The following FGG variants were observed in gnomAD, a reference collection of about 807,000 sequenced individuals.
FGG encodes fibrinogen, gamma polypeptide.
In FGG, 20 loss-of-function variants were observed where a neutral mutation model predicts 51.7. That is an observed-to-expected ratio of 0.39 (90% CI 0.27 to 0.56). The LOEUF is 0.56. FGG is among the 20% of genes least tolerant of loss of function. The probability of loss-of-function intolerance (pLI) is 0.64; values close to 1 mark genes in which losing one functional copy is unlikely to be tolerated. For synonymous variants in FGG, 184 were observed against 184.7 expected, an observed-to-expected ratio of 1.00 and a Z score of 0.03; for missense variants, 460 against 534.2, an observed-to-expected ratio of 0.86 and a Z score of 1.37.
At chr4:154,612,239 C>T (rs368709516) in intron 2 of FGG, 38 bp from the exon 3 acceptor site, 176 of 1,600,386 alleles carry the variant, frequency 1.1e-4, no homozygotes, top group Non-Finnish European at 1.5e-4. Flanking sequence ...TAGACAGATG[C>T]TACTCTTAAA....
At chr4:154,607,291 T>C (rs1731118702) in intron 7 of FGG, among the ~76,000 whole-genome samples, 1 of 152,176 alleles carries the variant, frequency 6.6e-6, no homozygotes, top group Non-Finnish European at 1.5e-5. Context: ...TAGATGACTC[T>C]AATTTCATAT....
At chr4:154,608,395 T>C (rs1435021366) in intron 7 of FGG, 71 bp downstream of exon 7, 3 of 1,442,318 alleles carry the variant, frequency 2.1e-6, no homozygotes, top group Admixed American at 1.9e-5. Flanking sequence ...CCATTGTCTA[T>C]TGATAGTTGG....
Position 154,608,583 on chromosome 4 carries a change from G to C in FGG, c.734C>G (p.Ser245Cys). 6.2e-7 allele frequency: 1 copy of C among 1,613,772 alleles called. No homozygotes were observed. The highest frequency in any genetic ancestry group is 8.5e-7 in the Non-Finnish European group (1 of 1,179,810). Reference sequence around the variant, plus strand: ...CCAAAATTCTGTTGTGCCAGTAGGAGACAGATGTCCAAATCCTTCTTTATA... The same window carrying C: ...CCAAAATTCTGTTGTGCCAGTAGGACACAGATGTCCAAATCCTTCTTTATA... ...IQYKEGFGHLSPTGTTEFWLG... is the reference protein window; with the variant it reads ...IQYKEGFGHLCPTGTTEFWLG... The change falls in exon 7 of 9, where the codon TCT (serine) becomes TGT (cysteine). Residue 245 changes from serine (S) to cysteine (C), a missense_variant. Coordinates refer to ENST00000336098, the MANE Select transcript of FGG (RefSeq NM_021870.3).
chr4:154,607,085 T>C, intron 7 of FGG, 103 bp from the exon 8 acceptor site: 1 of 1,427,372 alleles, frequency 7.0e-7, no homozygotes, highest in Non-Finnish European at 9.4e-7. Flanking sequence ...ACTTTGTTTC[T>C]TAAGGCTGAA....
chr4:154,611,728 T>C lies in FGG; in HGVS notation c.401+77A>G, dbSNP rs1028711216. 5.3e-6 allele frequency: 5 copies of C among 947,320 alleles called. No individual in the cohort carries two copies. In the African/African-American group the frequency reaches 6.6e-5, roughly 13 times the overall value. The allele number at this position is 947,320 out of a possible 1,614,324, so 58.7% of individuals were successfully genotyped here. A position where few individuals can be genotyped will look rare whatever the true frequency, so the allele number is the denominator to read the frequency against. On this transcript the variant is annotated intron_variant, in intron 4 of 8. Transcript: ENST00000336098. ...ATAAATGGGGAAAACACATTAAAAA[T>C]TACTTTCACTCAAGTATAGAATATT...
chr4:154,612,054 G>A lies in FGG; in HGVS notation c.271C>T (p.Gln91Ter). 6.2e-7 allele frequency: 1 copy of A among 1,613,000 alleles called. No homozygotes were observed. Among genetic ancestry groups the A allele is most frequent in the Non-Finnish European group, 8.5e-7 (1 of 1,179,722 alleles). Residue 91 changes from glutamine to a stop codon, truncating the protein, a stop_gained, in exon 3 of 9, where the codon CAA becomes TAA. Transcript: ENST00000336098. LOFTEE classifies it high-confidence loss of function. Reference sequence around the variant, plus strand: ...GATTCATCAGGATTATAAGTGAGTTGGATTGCTTTTATCAGCTGTTTGACT... The same window carrying A: ...GATTCATCAGGATTATAAGTGAGTTAGATTGCTTTTATCAGCTGTTTGACT... Reference protein sequence around the residue: ...SEVKQLIKAIQLTYNPDESSK... With the variant: ...SEVKQLIKAI
Position 154,605,090 on chromosome 4 carries a change from T to C in FGG, c.1130-24A>G, listed in dbSNP as rs771478262. 11 of 1,613,536 alleles carry C rather than the reference T, an allele frequency of 6.8e-6. No homozygotes were observed. In the South Asian group the frequency reaches 1.1e-4, roughly 16 times the overall value. On this transcript the variant is annotated intron_variant, in intron 8 of 8. Coordinates refer to ENST00000336098, the MANE Select transcript of FGG (RefSeq NM_021870.3). ...ACCTAAAACAAGTCGTAGATGTACA[T>C]ATCATTATTCTGGAATCTTTTTACC...
chr4:154,606,659 A>G lies in FGG; in HGVS notation c.1129+46T>C, dbSNP rs777306283. The stretch of plus-strand genomic sequence containing the variant: ...TCTATTTATTATTTTTTATGAAAAT[A>G]GTATACACTATACATTAACTTGGAA... On this transcript the variant is annotated intron_variant, in intron 8 of 8. Transcript: ENST00000336098. The G allele has an allele frequency of 2.5e-6, 4 of 1,571,756 alleles. No individual in the cohort carries two copies. In the African/African-American group the frequency reaches 5.4e-5, roughly 21 times the overall value.
In FGG at chr4:154,612,050, A is replaced by G. The variant is rs766605366; in HGVS notation, c.275T>C (p.Leu92Pro). The G allele has an allele frequency of 1.9e-5, 30 of 1,613,038 alleles. No homozygotes were observed. Among genetic ancestry groups the G allele is most frequent in the Non-Finnish European group, 2.5e-5 (30 of 1,179,776 alleles). The change falls in exon 3 of 9, where the codon CTC becomes CCC. Residue 92 changes from leucine (L) to proline (P), a missense_variant. This residue lies in a region of FGG where 353 missense variants were observed against 391.7 expected (regional missense o/e 0.90). Transcript: ENST00000336098. ...TGATGATTCATCAGGATTATAAGTG[A>G]GTTGGATTGCTTTTATCAGCTGTTT... Reference protein sequence around the residue: ...EVKQLIKAIQLTYNPDESSKP... With the variant: ...EVKQLIKAIQPTYNPDESSKP...
Position 154,608,581 on chromosome 4 carries a change from G to A in FGG, c.736C>T (p.Pro246Ser). 2 of 1,613,770 alleles carry A rather than the reference G, an allele frequency of 1.2e-6. No individual in the cohort carries two copies. Among genetic ancestry groups the A allele is most frequent in the Non-Finnish European group, 8.5e-7 (1 of 1,179,818 alleles). Reference protein sequence around the residue: ...QYKEGFGHLSPTGTTEFWLGN... With the variant: ...QYKEGFGHLSSTGTTEFWLGN... ...AGCCAAAATTCTGTTGTGCCAGTAG[G>A]AGACAGATGTCCAAATCCTTCTTTA... The change falls in exon 7 of 9, where the codon CCT becomes TCT. Residue 246 changes from proline to serine, a missense_variant. By Grantham distance (74) the Pro-to-Ser change is moderately conservative. This residue lies in a region of FGG where 353 missense variants were observed against 391.7 expected (regional missense o/e 0.90). Transcript: ENST00000336098.
intron 6 of FGG, among the ~76,000 whole-genome samples, chr4:154,608,962 T>C (rs920126603): frequency 2.0e-5 from 3 of 152,210 alleles, no homozygotes; most frequent in African/African-American, 7.2e-5. Context: ...TAGCTGGATA[T>C]TACTGATTCT....
intron 4 of FGG, 52 bp from the exon 5 acceptor site, chr4:154,610,249 C>T (rs1416584273): frequency 6.5e-6 from 9 of 1,385,900 alleles, no homozygotes; most frequent in Non-Finnish European, 9.2e-6. Flanking sequence ...AATAAGTATT[C>T]CTTTCAGAAG....
intron 6 of FGG, 72 bp from the exon 7 acceptor site, chr4:154,608,722 T>G: frequency 1.4e-6 from 2 of 1,433,454 alleles, no homozygotes; most frequent in Admixed American, 3.4e-5. Flanking sequence ...GCTGTCAACA[T>G]TTTGTCAAAA....
rs747892107 is a variant in FGG at position 154,604,785 on chromosome 4, A to G, written c.*49T>C. On this transcript the variant is annotated 3_prime_UTR_variant, in exon 9 of 9. Coordinates refer to ENST00000336098, the MANE Select transcript of FGG (RefSeq NM_021870.3). ...TAAGAGAAAAAAGGAAGAAACTTTC[A>G]GAGAATTTCTGAAACTTTGTGGGTC... The G allele has an allele frequency of 6.2e-7, 1 of 1,611,476 alleles. No homozygotes were observed. The highest frequency in any genetic ancestry group is 1.7e-5 in the Admixed American group (1 of 59,928).
chr4:154,610,463 A>G (rs1731186994), intron 4 of FGG, among the ~76,000 whole-genome samples: 1 of 152,204 alleles, frequency 6.6e-6, no homozygotes, highest in Admixed American at 6.5e-5. Context: ...TTTACTTAGA[A>G]TGGGGCATAT....
In FGG at chr4:154,604,349, TC is replaced by T; in HGVS notation, c.*484del. On this transcript the variant is annotated 3_prime_UTR_variant, in exon 9 of 9. Transcript: ENST00000336098. ...CTTTTGAAACGGTCTTTTAAACGTC[TC>T]CAGCCTGTGAATATATAACAAAACA... The T allele has an allele frequency of 6.6e-7, 1 of 1,512,518 alleles. No individual in the cohort carries two copies. Among genetic ancestry groups the T allele is most frequent in the Non-Finnish European group, 8.8e-7 (1 of 1,133,194 alleles). 93.7% of individuals were successfully genotyped at this position (1,512,518 alleles called of 1,614,324 possible).
intron 8 of FGG, 23 bp from the exon 9 acceptor site, chr4:154,605,089 A>G (rs745574025): frequency 6.2e-7 from 1 of 1,613,630 alleles, no homozygotes; most frequent in Non-Finnish European, 8.5e-7. Context: ...GTAGATGTAC[A>G]TATCATTATT....
rs1191431115 is a variant in FGG, at chr4:154,604,589, A to T, written c.*245T>A. On this transcript the variant is annotated 3_prime_UTR_variant, in exon 9 of 9. Transcript: ENST00000336098. Reference sequence around the variant, plus strand: ...TGGTCATAAAAATGCAAATAAAGTCAATCATTTTATTATTATATATTTAGG... The same window carrying T: ...TGGTCATAAAAATGCAAATAAAGTCTATCATTTTATTATTATATATTTAGG... The T allele has an allele frequency of 2.5e-6, 3 of 1,218,188 alleles. No individual in the cohort carries two copies. Among genetic ancestry groups the T allele is most frequent in the Non-Finnish European group, 3.2e-6 (3 of 929,924 alleles). The allele number at this position is 1,218,188 out of a possible 1,614,324, so 75.5% of individuals were successfully genotyped here.
chr4:154,607,849 G>C lies in FGG; in HGVS notation c.851+617C>G, dbSNP rs1731128746. Among the ~76,000 whole-genome samples, 3 of 152,104 alleles carry C rather than the reference G, an allele frequency of 2.0e-5. No homozygotes were observed. The South Asian group carries it at 6.2e-4, about 32-fold the overall frequency. The stretch of plus-strand genomic sequence containing the variant: ...TAACAAGAGGGTTGGATATTTTTCT[G>C]CATTTTAATTAGGTAACAATGCTTA... On this transcript the variant is annotated intron_variant, in intron 7 of 8. Coordinates refer to ENST00000336098, the MANE Select transcript of FGG (RefSeq NM_021870.3).
Sources: allele counts gnomAD v4.1 joint callset (sites outside exome capture counted in the v4.1 genomes callset), GRCh38; gene constraint gnomAD v4.1.1; regional missense constraint gnomAD v4.1.1; transcripts MANE v1.5; gene names NCBI Gene and HGNC (gene_info 2026-07-23, HGNC 2026-07-21).